NKAIN2: variants seen among roughly 807,000 people sequenced by gnomAD.
NKAIN2 encodes sodium/potassium-transporting ATPase subunit beta-1-interacting protein 2.
A neutral mutation model predicts 32.6 loss-of-function variants in NKAIN2; 14 were observed. The ratio of observed to expected loss-of-function variants is 0.43; its 90% CI spans 0.28 to 0.67. NKAIN2 has a LOEUF of 0.67. Ranked by LOEUF, NKAIN2 falls within the 30% of genes least tolerant of loss-of-function variation. The pLI is 0.17. For synonymous variants in NKAIN2, 80 were observed against 87.2 expected (o/e 0.92, Z 0.46); for missense variants, 198 against 258.3 (o/e 0.77, Z 1.60).
intron 2 of NKAIN2, among the ~76,000 whole-genome samples, chr6:124,298,606 A>C (rs1029535347): frequency 2.6e-5 from 4 of 152,178 alleles, no homozygotes; most frequent in Admixed American, 2.6e-4. Flanking sequence ...GGCATAGATG[A>C]TAATGCCACA....
intron 1 of NKAIN2, among the ~76,000 whole-genome samples, chr6:123,979,398 T>C (rs1778790263): frequency 6.6e-6 from 1 of 152,182 alleles, no homozygotes; most frequent in East Asian, 1.9e-4. Flanking sequence ...ATTTCTGGCC[T>C]ATTTATCTTC....
rs149981535 is a variant in NKAIN2, at chr6:124,148,832, G to A, written c.55-134173G>A. On this transcript the variant is annotated intron_variant, in intron 1 of 6. Coordinates refer to ENST00000368417, the MANE Select transcript of NKAIN2 (RefSeq NM_001040214.3). ...TATTTAGTTTTGGATTTATAACTAG[G>A]ATGAGATTGCTATGGCAACTGTGTT... 5.6e-3 allele frequency among the ~76,000 whole-genome samples: 845 copies of A among 152,228 alleles called. 5 individuals are homozygous for A. The highest frequency in any genetic ancestry group is 9.7e-3 in the Non-Finnish European group (663 of 68,006).
chr6:123,986,827 A>G (rs539886433), intron 1 of NKAIN2, among the ~76,000 whole-genome samples: 30 of 152,286 alleles, frequency 2.0e-4, no homozygotes, highest in Admixed American at 1.8e-3. Context: ...GGATGACTCC[A>G]AAGATTTGAG....
intron 3 of NKAIN2, among the ~76,000 whole-genome samples, chr6:124,573,264 G>T (rs897865630): frequency 2.6e-5 from 4 of 152,114 alleles, no homozygotes; most frequent in African/African-American, 9.7e-5. Context: ...ATGTTGTTTG[G>T]ATGTTCAGGC....
At chr6:124,738,575 TCA>T (rs1459068778) in intron 4 of NKAIN2, among the ~76,000 whole-genome samples, 2 of 120,480 alleles carry the variant, frequency 1.7e-5, no homozygotes, top group Non-Finnish European at 3.6e-5. Context: ...ACTCTTATTT[TCA>T]CATAGACCAT....
intron 3 of NKAIN2, among the ~76,000 whole-genome samples, chr6:124,451,548 G>A (rs889104329): frequency 6.6e-6 from 1 of 152,090 alleles, no homozygotes; most frequent in African/African-American, 2.4e-5. Flanking sequence ...AAGCTAGGGT[G>A]CTCATAAAAG....
chr6:123,845,259 G>A (rs943903507), intron 1 of NKAIN2, among the ~76,000 whole-genome samples: 3 of 152,082 alleles, frequency 2.0e-5, no homozygotes, highest in African/African-American at 7.2e-5. Flanking sequence ...ATAATATGAA[G>A]AATCCAGTCA....
rs1316060221 is a variant in NKAIN2, at chr6:124,099,194, A to G, written c.55-183811A>G. The stretch of plus-strand genomic sequence containing the variant: ...CTTTTATGGTTATAGGAATAAGATA[A>G]TTGGTTGATTATCTAATATATGGCA... On this transcript the variant is annotated intron_variant, in intron 1 of 6. Coordinates refer to ENST00000368417, the MANE Select transcript of NKAIN2 (RefSeq NM_001040214.3). Among the ~76,000 whole-genome samples, 3 of 152,284 alleles carry G rather than the reference A, an allele frequency of 2.0e-5. No individual in the cohort carries two copies. The East Asian group carries it at 5.8e-4, about 29-fold the overall frequency.
intron 1 of NKAIN2, among the ~76,000 whole-genome samples, chr6:124,201,917 T>C (rs1790612154): frequency 6.6e-6 from 1 of 152,024 alleles, no homozygotes; most frequent in Non-Finnish European, 1.5e-5. Flanking sequence ...TATTTTCTTT[T>C]TGTATTTTCT....
At chr6:123,810,569 C>T (rs955755454) in intron 1 of NKAIN2, among the ~76,000 whole-genome samples, 4 of 151,978 alleles carry the variant, frequency 2.6e-5, no homozygotes, top group Non-Finnish European at 4.4e-5. Context: ...CAACTTTTGA[C>T]AGATAACCAT....
chr6:124,426,428 A>G (rs1178637148), intron 3 of NKAIN2, among the ~76,000 whole-genome samples: 1 of 152,206 alleles, frequency 6.6e-6, no homozygotes, highest in Non-Finnish European at 1.5e-5. Context: ...TTTTCCAATC[A>G]TGTATCTGGT....
chr6:124,182,649 C>A (rs1789501593), intron 1 of NKAIN2, among the ~76,000 whole-genome samples: 1 of 151,962 alleles, frequency 6.6e-6, no homozygotes, highest in African/African-American at 2.4e-5. Context: ...AATAAACTAC[C>A]CTGAACATTT....
chr6:124,469,662 A>C (rs1330633266), intron 3 of NKAIN2, among the ~76,000 whole-genome samples: 1 of 152,176 alleles, frequency 6.6e-6, no homozygotes, highest in Non-Finnish European at 1.5e-5. Context: ...TTCACACTCC[A>C]TCTAAACTCC....
intron 1 of NKAIN2, among the ~76,000 whole-genome samples, chr6:124,273,778 T>C (rs1393121265): frequency 6.6e-6 from 1 of 152,192 alleles, no homozygotes; most frequent in East Asian, 1.9e-4. Context: ...TGTAACCAAT[T>C]TGTGTGTTAG....
chr6:124,320,856 C>T (rs1797148293), intron 2 of NKAIN2, among the ~76,000 whole-genome samples: 1 of 152,132 alleles, frequency 6.6e-6, no homozygotes. Flanking sequence ...CAGCTAATTG[C>T]TTCTTTTATA....
At chr6:124,127,941 C>T (rs140286336) in intron 1 of NKAIN2, among the ~76,000 whole-genome samples, 170 of 152,276 alleles carry the variant, frequency 1.1e-3, no homozygotes, top group Middle Eastern at 3.4e-3. Flanking sequence ...ATTCTCCTAC[C>T]TCACACTCCC....
intron 1 of NKAIN2, among the ~76,000 whole-genome samples, chr6:123,807,510 A>G (rs1319328492): frequency 2.0e-5 from 3 of 152,154 alleles, no homozygotes; most frequent in Non-Finnish European, 4.4e-5. Context: ...GGTATAGGAC[A>G]AGAAGTTTTT....
At chr6:124,077,055 A>G (rs1783727959) in intron 1 of NKAIN2, among the ~76,000 whole-genome samples, 1 of 152,230 alleles carries the variant, frequency 6.6e-6, no homozygotes, top group South Asian at 2.1e-4. Context: ...TAAATTCGAA[A>G]TAACAGTAGT....
chr6:124,425,444 A>G (rs1004721680), intron 3 of NKAIN2, among the ~76,000 whole-genome samples: 1 of 152,144 alleles, frequency 6.6e-6, no homozygotes, highest in African/African-American at 2.4e-5. Context: ...ACAAAAATAA[A>G]TAAGTAGGGC....
Sources: gnomAD v4.1 joint callset for allele counts (sites outside exome capture counted in the v4.1 genomes callset) on GRCh38, gnomAD v4.1.1 for gene constraint, MANE v1.5 for transcripts, NCBI Gene and HGNC (gene_info 2026-07-23, HGNC 2026-07-21) for gene names.